BPIFC: variants seen among roughly 807,000 people sequenced by gnomAD.
BPIFC encodes BPI fold-containing family C protein.
A neutral mutation model predicts 57.6 loss-of-function variants in BPIFC; 60 were observed. The observed-to-expected ratio is 1.04, with a 90% CI of 0.85 to 1.29. The LOEUF is 1.29. Among genes scored for constraint, BPIFC ranks in the 50% most tolerant of loss-of-function variants. The pLI, the probability that BPIFC is intolerant of heterozygous loss-of-function variation, is 0.00. For missense variants in BPIFC, 581 were observed against 600.5 expected, an observed-to-expected ratio of 0.97 and a Z score of 0.34; for synonymous variants, 243 against 224.5, an observed-to-expected ratio of 1.08 and a Z score of -0.74.
intron 8 of BPIFC, among the ~76,000 whole-genome samples, chr22:32,439,324 TA>T (rs113366027): frequency 0.15 from 21,682 of 145,366 alleles, 2,806 homozygotes; most frequent in African/African-American, 0.36. Flanking sequence ...AAACTCCGTC[TA>T]AAAAAAAAAA....
Position 32,435,775 on chromosome 22 carries a change from A to ACT in BPIFC, c.851_852dup (p.Tyr285SerfsTer56), listed in dbSNP as rs1569451253. ...GCAAAGGACGCAGATTTAAAGAAAT[A>ACT]CTCGGCGATTCCAATGTAGAGCATG... On this transcript the variant is annotated frameshift_variant, in exon 10 of 17. Transcript: ENST00000300399. LOFTEE classifies it high-confidence loss of function. The ACT allele has an allele frequency of 6.2e-7, 1 of 1,614,156 alleles. No homozygotes were observed. The highest frequency in any genetic ancestry group is 1.1e-5 in the South Asian group (1 of 91,078).
intron 4 of BPIFC, among the ~76,000 whole-genome samples, chr22:32,452,847 C>A (rs1329202463): frequency 6.6e-6 from 1 of 152,136 alleles, no homozygotes; most frequent in African/African-American, 2.4e-5. Context: ...TAAGACTGAG[C>A]TCCAGATGGA....
At chr22:32,437,222 C>T (rs998985046) in intron 9 of BPIFC, among the ~76,000 whole-genome samples, 3 of 152,180 alleles carry the variant, frequency 2.0e-5, no homozygotes, top group African/African-American at 7.2e-5. Context: ...AGAGGGCAGA[C>T]ATATGTTGTA....
chr22:32,432,535 C>A lies in BPIFC; in HGVS notation c.987G>T (p.Glu329Asp), dbSNP rs1376460921. 6.2e-7 allele frequency: 1 copy of A among 1,613,650 alleles called. No individual in the cohort carries two copies. The highest frequency in any genetic ancestry group is 8.5e-7 in the Non-Finnish European group (1 of 1,179,762). ...TGAAGGGCTGGGACAAGATGTAGAT[C>A]TCTGCAATCTGCCCACATTCCGAGA... ...GLGNVLSRIA[E>D]IYILSQPFMV... is the part of the protein sequence containing the mutation. The change falls in exon 12 of 17, where the codon GAG becomes GAT. Residue 329 changes from glutamate (E) to aspartate (D), a missense_variant. Glu to Asp is a conservative substitution (Grantham distance 45). Transcript: ENST00000300399.
chr22:32,463,706 C>T (rs1043221132), intron 1 of BPIFC, among the ~76,000 whole-genome samples: 1 of 152,264 alleles, frequency 6.6e-6, no homozygotes, highest in African/African-American at 2.4e-5. Flanking sequence ...TTGGTTAAGA[C>T]AAAATGACCG....
chr22:32,460,492 G>A (rs901103579), intron 2 of BPIFC, among the ~76,000 whole-genome samples: 7 of 152,208 alleles, frequency 4.6e-5, no homozygotes, highest in Admixed American at 3.9e-4. Context: ...TCAGGTCTGA[G>A]AAGGCTGGCT....
In BPIFC at chr22:32,442,848, G is replaced by C. The variant is rs1934603023; in HGVS notation, c.595-117C>G. ...TCTGGTTAGCAGTCATTATCCCTTT[G>C]GTCATCGAGACATTCTCTTAAATTT... On this transcript the variant is annotated intron_variant, in intron 7 of 16. Coordinates refer to ENST00000300399, the MANE Select transcript of BPIFC (RefSeq NM_174932.3). 5.3e-6 allele frequency: 5 copies of C among 936,066 alleles called. No homozygotes were observed. The East Asian group carries it at 1.3e-4, about 24-fold the overall frequency. 58.0% of individuals were successfully genotyped at this position (936,066 alleles called of 1,614,324 possible). A position where few individuals can be genotyped will look rare whatever the true frequency, so the allele number is the denominator to read the frequency against.
intron 4 of BPIFC, among the ~76,000 whole-genome samples, chr22:32,452,464 G>T (rs905019000): frequency 5.3e-5 from 8 of 151,520 alleles, no homozygotes; most frequent in Admixed American, 1.3e-4. Flanking sequence ...GTGAAACCCC[G>T]TCTCTACTAA....
At chr22:32,416,378 C>T (rs1027119401) in intron 15 of BPIFC, among the ~76,000 whole-genome samples, 2 of 152,146 alleles carry the variant, frequency 1.3e-5, no homozygotes, top group African/African-American at 4.8e-5. Context: ...CCACTGAGCC[C>T]GGCATGGACA....
chr22:32,455,112 G>A (rs958429712), intron 3 of BPIFC, among the ~76,000 whole-genome samples: 5 of 142,802 alleles, frequency 3.5e-5, no homozygotes, highest in Non-Finnish European at 7.5e-5. Flanking sequence ...GTGTAGTGGT[G>A]CGATCTCAGC....
At chr22:32,431,514 C>G (rs980323995) in intron 12 of BPIFC, 100 bp from the exon 13 acceptor site, 10 of 795,194 alleles carry the variant, frequency 1.3e-5, no homozygotes, top group Admixed American at 4.5e-5. Flanking sequence ...CCAACATTCC[C>G]CCTTAGTGTA....
intron 13 of BPIFC, among the ~76,000 whole-genome samples, chr22:32,428,735 T>TA (rs1156503260): frequency 2.6e-5 from 4 of 151,664 alleles, no homozygotes; most frequent in Admixed American, 6.6e-5. Flanking sequence ...CCATCTCTAC[T>TA]AAAAAATACA....
chr22:32,447,702 C>A (rs1373320880), intron 4 of BPIFC, among the ~76,000 whole-genome samples: 1 of 149,870 alleles, frequency 6.7e-6, no homozygotes, highest in African/African-American at 2.5e-5. Flanking sequence ...AACTCCTGGG[C>A]TCAGGTAATC....
chr22:32,413,929 G>A lies in BPIFC; in HGVS notation c.*374C>T, dbSNP rs1343231124. ...ACATGAAAACCAATATGCAGGTAGG[G>A]GAAAACCACTAGAGGGCCTAAGGGA... On this transcript the variant is annotated 3_prime_UTR_variant, in exon 17 of 17. Transcript: ENST00000300399. The A allele has an allele frequency of 6.4e-6, 1 of 155,908 alleles. No individual in the cohort carries two copies. Among genetic ancestry groups the A allele is most frequent in the Non-Finnish European group, 1.4e-5 (1 of 70,660 alleles). The allele number at this position is 155,908 out of a possible 1,614,324, so 9.7% of individuals were successfully genotyped here.
chr22:32,419,089 C>T (rs945766635), intron 14 of BPIFC, among the ~76,000 whole-genome samples: 1 of 151,974 alleles, frequency 6.6e-6, no homozygotes, highest in African/African-American at 2.4e-5. Context: ...CTGAGAATGC[C>T]TGTTTTTCTA....
intron 1 of BPIFC, among the ~76,000 whole-genome samples, chr22:32,462,442 A>G (rs1306822736): frequency 2.0e-5 from 3 of 152,178 alleles, no homozygotes; most frequent in African/African-American, 7.2e-5. Context: ...AAACCAAACT[A>G]TCATATATAA....
At chr22:32,460,477 C>T (rs1189180594) in intron 2 of BPIFC, among the ~76,000 whole-genome samples, 1 of 152,196 alleles carries the variant, frequency 6.6e-6, no homozygotes, top group East Asian at 1.9e-4. Context: ...TGGGTAAGTT[C>T]ATCTTCAGGT....
rs186933323 is a variant in BPIFC, at chr22:32,461,896, G to A, written c.-88-235C>T. Among the ~76,000 whole-genome samples the A allele has an allele frequency of 3.7e-4, 56 of 152,232 alleles. No homozygotes were observed. The East Asian group carries it at 8.7e-3, about 24-fold the overall frequency. ...TGTTTTAAAAGAGCAAAAATAGGCC[G>A]GGCGTGGTGGCTCACGCCTATAATC... On this transcript the variant is annotated intron_variant, in intron 1 of 16. Coordinates refer to ENST00000300399, the MANE Select transcript of BPIFC (RefSeq NM_174932.3).
At chr22:32,461,298 G>A (rs760657) in intron 2 of BPIFC, among the ~76,000 whole-genome samples, 109,902 of 152,152 alleles carry the variant, frequency 0.72, 41,470 homozygotes, top group East Asian at 0.85. Flanking sequence ...AAGTTACAGA[G>A]GGAAACTGGG....
Sources: allele counts gnomAD v4.1 joint callset (sites outside exome capture counted in the v4.1 genomes callset), GRCh38; gene constraint gnomAD v4.1.1; transcripts MANE v1.5; gene names NCBI Gene and HGNC (gene_info 2026-07-23, HGNC 2026-07-21).